GLYR1: variants seen among roughly 807,000 people sequenced by gnomAD.
GLYR1 encodes cytokine-like nuclear factor N-PAC.
In GLYR1, 21 loss-of-function variants were observed where a neutral mutation model predicts 72.7. The observed-to-expected ratio is 0.29, with a 90% CI of 0.20 to 0.42. GLYR1 has a LOEUF of 0.42. GLYR1 is among the 10% of genes least tolerant of loss of function. The pLI, the probability that GLYR1 is intolerant of heterozygous loss-of-function variation, is 1.00. For synonymous variants in GLYR1, 392 were observed against 270.2 expected (o/e 1.45, Z -4.42); for missense variants, 594 against 712.1 (o/e 0.83, Z 1.89).
intron 9 of GLYR1, among the ~76,000 whole-genome samples, chr16:4,819,521 G>C (rs985782474): frequency 2.0e-5 from 3 of 152,060 alleles, no homozygotes; most frequent in Non-Finnish European, 4.4e-5. Flanking sequence ...GTATTTCCTA[G>C]GCTGGTCATG....
In GLYR1 at chr16:4,832,174, A is replaced by C; in HGVS notation, c.342T>G (p.Ser114Arg). 6.2e-7 allele frequency: 1 copy of C among 1,614,036 alleles called. No homozygotes were observed. Among genetic ancestry groups the C allele is most frequent in the Non-Finnish European group, 8.5e-7 (1 of 1,179,996 alleles). The change falls in exon 5 of 16, where the codon AGT becomes AGG. Residue 114 changes from serine (S) to arginine (R), a missense_variant. Physicochemically the swap from Ser to Arg is moderately radical, Grantham distance 110. This residue lies in a region of GLYR1 where 252 missense variants were observed against 211.3 expected (regional missense o/e 1.19). Transcript: ENST00000321919. ...SSDDKNRRNS[S>R]EERSRPNSGD... ...CTGAGTTTGGCCTACTTCTCTCCTC[A>C]CTGGAATTACGTCGATTCTTGTCAT...
At chr16:4,835,717 G>A (rs1315134279) in intron 3 of GLYR1, among the ~76,000 whole-genome samples, 1 of 152,142 alleles carries the variant, frequency 6.6e-6, no homozygotes, top group Non-Finnish European at 1.5e-5. Context: ...TGTAATCCCA[G>A]CTACTCGGAA....
rs1404494487 is a variant in GLYR1, at chr16:4,807,715, C to G, written c.1588-2405G>C. 3.3e-5 allele frequency among the ~76,000 whole-genome samples: 5 copies of G among 152,164 alleles called. No homozygotes were observed. In the East Asian group the frequency reaches 9.6e-4, roughly 29 times the overall value. ...GGTGGAGGCAACTTGGAAGTCACTT[C>G]AAAGAGAAGCTTTCCCAGCCCAAGC... is the stretch of plus-strand genomic sequence containing the variant. On this transcript the variant is annotated intron_variant, in intron 15 of 15. Transcript: ENST00000321919.
At position 4,804,388 on chromosome 16, in the gene GLYR1, C is replaced by A; in HGVS notation, c.*848G>T. ...CTCCTCTTGGCTCATCACTAGTGGC[C>A]CTGAGGACTCCCTCCCAAGGGATGG... On this transcript the variant is annotated 3_prime_UTR_variant, in exon 16 of 16. Transcript: ENST00000321919. 1 of 152,922 alleles carries A rather than the reference C, an allele frequency of 6.5e-6. No homozygotes were observed. The highest frequency in any genetic ancestry group is 1.5e-5 in the Non-Finnish European group (1 of 68,228). 9.5% of individuals were successfully genotyped at this position (152,922 alleles called of 1,614,324 possible).
intron 9 of GLYR1, chr16:4,817,904 G>T (rs1238732758): frequency 7.4e-6 from 4 of 538,750 alleles, no homozygotes; most frequent in Non-Finnish European, 1.3e-5. Flanking sequence ...GCTGTCCCAG[G>T]ATGTAAACAG....
At chr16:4,829,979 A>AT (rs1231953570) in intron 5 of GLYR1, among the ~76,000 whole-genome samples, 9 of 150,202 alleles carry the variant, frequency 6.0e-5, no homozygotes, top group Admixed American at 2.0e-4. Flanking sequence ...AGCAAAAAAA[A>AT]TTTTAATAGA....
chr16:4,821,208 C>T (rs768601510), intron 9 of GLYR1, 172 bp downstream of exon 9: 30 of 682,644 alleles, frequency 4.4e-5, no homozygotes, highest in Non-Finnish European at 7.3e-5. Flanking sequence ...CACAGATTTA[C>T]ACAGCTTTTG....
At chr16:4,836,258 T>C (rs1596389002) in intron 3 of GLYR1, among the ~76,000 whole-genome samples, 3 of 152,234 alleles carry the variant, frequency 2.0e-5, no homozygotes, top group South Asian at 2.1e-4. Context: ...CAGGAGGATG[T>C]ACTGCTCACC....
intron 9 of GLYR1, 111 bp downstream of exon 9, chr16:4,821,269 C>G (rs1050778923): frequency 2.3e-5 from 24 of 1,053,256 alleles, no homozygotes; most frequent in Non-Finnish European, 3.2e-5. Flanking sequence ...CTTTTCCATT[C>G]AATGCCAGCA....
chr16:4,843,046 T>G (rs2085681252), intron 3 of GLYR1, among the ~76,000 whole-genome samples: 1 of 152,234 alleles, frequency 6.6e-6, no homozygotes, highest in Non-Finnish European at 1.5e-5. Context: ...ACTTGTCACT[T>G]GACTGAGCAT....
intron 3 of GLYR1, among the ~76,000 whole-genome samples, chr16:4,834,295 CTT>C (rs778256795): frequency 6.8e-5 from 8 of 118,340 alleles, no homozygotes; most frequent in Non-Finnish European, 8.5e-5. Flanking sequence ...AGGCAAATTC[CTT>C]TTTTTTTTTT....
At chr16:4,813,365 A>C (rs924385206) in intron 12 of GLYR1, among the ~76,000 whole-genome samples, 10 of 152,176 alleles carry the variant, frequency 6.6e-5, no homozygotes, top group African/African-American at 2.4e-4. Flanking sequence ...CTCAGAACAT[A>C]TGTGGGTCCC....
intron 3 of GLYR1, among the ~76,000 whole-genome samples, chr16:4,840,666 T>C (rs932988798): frequency 1.3e-5 from 2 of 152,180 alleles, no homozygotes; most frequent in African/African-American, 4.8e-5. Flanking sequence ...ACACAAGAGA[T>C]ACTACTTTTC....
intron 13 of GLYR1, 134 bp downstream of exon 13, chr16:4,811,952 C>A: frequency 7.0e-7 from 1 of 1,429,362 alleles, no homozygotes; most frequent in Non-Finnish European, 9.4e-7. Context: ...CTTCCACGCA[C>A]TGACTATGCA....
intron 12 of GLYR1, among the ~76,000 whole-genome samples, chr16:4,812,496 ATTTTTT>A (rs564781680): frequency 1.4e-5 from 2 of 144,020 alleles, no homozygotes; most frequent in African/African-American, 5.1e-5. Context: ...CTGACTTGGA[ATTTTTT>A]TTTTTTTTTT....
rs1330063786 is a variant in GLYR1 at position 4,813,728 on chromosome 16, G to C, written c.1119+9C>G. ...GATGCTGGAGAGCCAGCCCAAGGAA[G>C]GCTGCTACCTGGGCCAGCTCAGTGA... On this transcript the variant is annotated intron_variant, in intron 12 of 15. Transcript: ENST00000321919. The C allele has an allele frequency of 3.2e-6, 5 of 1,584,958 alleles. No homozygotes were observed. The South Asian group carries it at 5.7e-5, about 18-fold the overall frequency.
rs2082795378 is a variant in GLYR1 at position 4,803,334 on chromosome 16, CAAAAAT to C, written c.*1896_*1901del. ...AGACAAATGTTCATTAAAAACAAAG[CAAAAAT>C]AAAAATTCACAACCTTAATTACCTA... On this transcript the variant is annotated 3_prime_UTR_variant, in exon 16 of 16. Coordinates refer to ENST00000321919, the MANE Select transcript of GLYR1 (RefSeq NM_032569.4). The C allele has an allele frequency of 6.6e-6, 1 of 152,496 alleles. No homozygotes were observed. The highest frequency in any genetic ancestry group is 1.5e-5 in the Non-Finnish European group (1 of 67,998). The allele number at this position is 152,496 out of a possible 1,614,324, so 9.4% of individuals were successfully genotyped here.
intron 15 of GLYR1, among the ~76,000 whole-genome samples, chr16:4,807,614 C>T (rs1192203027): frequency 1.3e-5 from 2 of 152,142 alleles, no homozygotes; most frequent in South Asian, 2.1e-4. Context: ...ACCATCCAAA[C>T]GACCTGAAAG....
intron 3 of GLYR1, among the ~76,000 whole-genome samples, chr16:4,844,206 T>C (rs1274611479): frequency 6.6e-6 from 1 of 151,352 alleles, no homozygotes; most frequent in Non-Finnish European, 1.5e-5. Context: ...CACTAGCAAC[T>C]CAAGTTAATA....
Sources: allele counts gnomAD v4.1 joint callset (sites outside exome capture counted in the v4.1 genomes callset), GRCh38; gene constraint gnomAD v4.1.1; regional missense constraint gnomAD v4.1.1; transcripts MANE v1.5; gene names NCBI Gene and HGNC (gene_info 2026-07-23, HGNC 2026-07-21).